The following TMEM132C variants were observed in gnomAD, a reference collection of about 807,000 sequenced individuals.
TMEM132C encodes the protein protein phosphatase 1, regulatory subunit 152.
Under a neutral mutation model 61.4 loss-of-function variants are expected in TMEM132C, and 29 were observed. The observed-to-expected ratio is 0.47, with a 90% confidence interval of 0.35 to 0.64. The LOEUF (loss-of-function observed/expected upper bound fraction) is 0.64. Among genes scored for constraint, TMEM132C ranks in the 30% least tolerant of loss-of-function variants. TMEM132C has a pLI of 0.00. For synonymous variants in TMEM132C, 656 were observed against 633.1 expected (o/e 1.04, Z -0.54); for missense variants, 1,408 against 1,476.9 (o/e 0.95, Z 0.76).
chr12:128,432,214 C>T (rs934097517), intron 2 of TMEM132C, among the ~76,000 whole-genome samples: 1 of 152,180 alleles, frequency 6.6e-6, no homozygotes, highest in Non-Finnish European at 1.5e-5. Flanking sequence ...ACGTAACATC[C>T]ATTGCTAACA....
chr12:128,502,326 A>G (rs1404289370), intron 2 of TMEM132C, among the ~76,000 whole-genome samples: 7 of 152,150 alleles, frequency 4.6e-5, no homozygotes, highest in Non-Finnish European at 1.0e-4. Flanking sequence ...GAAGACCGAG[A>G]TGTGTGTGTG....
Position 128,414,678 on chromosome 12 carries a change from C to T in TMEM132C, c.86-54C>T, listed in dbSNP as rs377019547. 273 of 1,453,920 alleles carry T rather than the reference C, an allele frequency of 1.9e-4. 2 individuals are homozygous for T. In the South Asian group the frequency reaches 3.4e-3, roughly 18 times the overall value. The allele number at this position is 1,453,920 out of a possible 1,614,324, so 90.1% of individuals were successfully genotyped here. A position where few individuals can be genotyped will look rare whatever the true frequency, so the allele number is the denominator to read the frequency against. ...TACAGACCTAACAGCTAATGAGCAGCCCATTAATAATCCTGTCTTTGTCTT... is the reference window on the plus strand; with the variant it reads ...TACAGACCTAACAGCTAATGAGCAGTCCATTAATAATCCTGTCTTTGTCTT... On this transcript the variant is annotated intron_variant, in intron 1 of 8. Coordinates refer to ENST00000435159, the MANE Select transcript of TMEM132C (RefSeq NM_001136103.3).
In TMEM132C at chr12:128,630,889, G is replaced by A. The variant is rs1350312146; in HGVS notation, c.1305+14554G>A. On this transcript the variant is annotated intron_variant, in intron 4 of 8. Transcript: ENST00000435159. The surrounding 1 kb of genome is among the most constrained non-coding windows in gnomAD (Gnocchi z 4.3). ...TCTACTAAAAATACAAAAATTAGTC[G>A]GGCATGGTGGTATGTGCCTGTATTC... 3.3e-5 allele frequency among the ~76,000 whole-genome samples: 5 copies of A among 152,050 alleles called. No homozygotes were observed. The highest frequency in any genetic ancestry group is 5.9e-5 in the Non-Finnish European group (4 of 68,016).
chr12:128,679,378 C>T (rs1954616224), intron 5 of TMEM132C, among the ~76,000 whole-genome samples: 1 of 152,352 alleles, frequency 6.6e-6, no homozygotes, highest in Non-Finnish European at 1.5e-5. Flanking sequence ...GTTTCTCCCT[C>T]AGGGGTCCCT....
intron 2 of TMEM132C, among the ~76,000 whole-genome samples, chr12:128,438,553 G>A (rs1431910327): frequency 6.6e-6 from 1 of 152,028 alleles, no homozygotes; most frequent in Admixed American, 6.5e-5. Flanking sequence ...CCAGTCTCAG[G>A]TATTGTGTTA....
intron 2 of TMEM132C, among the ~76,000 whole-genome samples, chr12:128,540,897 A>T (rs1414846174): frequency 6.6e-6 from 1 of 151,512 alleles, no homozygotes; most frequent in South Asian, 2.1e-4. Flanking sequence ...GCTGATACCA[A>T]CTGCAAGCCC....
rs190967477 is a variant in TMEM132C, at chr12:128,393,212, T to C, written c.86-21520T>C. 2.0e-5 allele frequency among the ~76,000 whole-genome samples: 3 copies of C among 152,354 alleles called. 1 individual carries two copies. Among genetic ancestry groups the C allele is most frequent in the Admixed American group, 2.0e-4 (3 of 15,304 alleles). On this transcript the variant is annotated intron_variant, in intron 1 of 8. Coordinates refer to ENST00000435159, the MANE Select transcript of TMEM132C (RefSeq NM_001136103.3). Reference sequence around the variant, plus strand: ...TGAACAATCTTCCTCTTTTGAAATATCCTGAAATTGCCCCCCTTGCTCACT... The same window carrying C: ...TGAACAATCTTCCTCTTTTGAAATACCCTGAAATTGCCCCCCTTGCTCACT...
intron 3 of TMEM132C, among the ~76,000 whole-genome samples, chr12:128,558,366 TC>T (rs1874400509): frequency 6.6e-6 from 1 of 152,172 alleles, no homozygotes; most frequent in Non-Finnish European, 1.5e-5. Context: ...GCTGGGCTTT[TC>T]CCATGCTGTT....
At chr12:128,470,061 C>T (rs1026147750) in intron 2 of TMEM132C, among the ~76,000 whole-genome samples, 4 of 152,206 alleles carry the variant, frequency 2.6e-5, no homozygotes, top group Non-Finnish European at 4.4e-5. Flanking sequence ...CACTAATCTG[C>T]TTCCAAATAC....
intron 1 of TMEM132C, among the ~76,000 whole-genome samples, chr12:128,347,876 C>A (rs575083110): frequency 5.9e-5 from 9 of 152,338 alleles, no homozygotes; most frequent in African/African-American, 1.9e-4. Context: ...TACATTCCCA[C>A]CAGCAGTGTA....
At chr12:128,530,478 C>G (rs1261838005) in intron 2 of TMEM132C, among the ~76,000 whole-genome samples, 1 of 151,458 alleles carries the variant, frequency 6.6e-6, no homozygotes, top group Non-Finnish European at 1.5e-5. Flanking sequence ...GAGTCTCACT[C>G]TGTTGCCCAG....
At chr12:128,382,864 ATG>A (rs1037766367) in intron 1 of TMEM132C, among the ~76,000 whole-genome samples, 2 of 152,036 alleles carry the variant, frequency 1.3e-5, no homozygotes, top group African/African-American at 4.8e-5. Context: ...GTATCTGAGT[ATG>A]TGTGTGTTTG....
intron 1 of TMEM132C, among the ~76,000 whole-genome samples, chr12:128,297,584 TTTGAAGGCACTCGAC>T: frequency 6.6e-6 from 1 of 152,288 alleles, no homozygotes; most frequent in East Asian, 1.9e-4. Flanking sequence ...AAAAGCTGGC[TTTGAAGGCACTCGAC>T]TTGAACTGAG....
At chr12:128,546,363 A>C (rs940652645) in intron 3 of TMEM132C, among the ~76,000 whole-genome samples, 3 of 152,240 alleles carry the variant, frequency 2.0e-5, no homozygotes, top group Admixed American at 2.0e-4. Flanking sequence ...GTTCATTAGC[A>C]GGTGGCAAAG....
intron 1 of TMEM132C, among the ~76,000 whole-genome samples, chr12:128,331,594 A>T (rs1872667700): frequency 6.6e-6 from 1 of 152,144 alleles, no homozygotes; most frequent in Non-Finnish European, 1.5e-5. Flanking sequence ...ATAAAGCATG[A>T]TTTCATTCTT....
chr12:128,647,127 T>C (rs1352720758), intron 4 of TMEM132C, among the ~76,000 whole-genome samples: 1 of 151,194 alleles, frequency 6.6e-6, no homozygotes, highest in Non-Finnish European at 1.5e-5. Flanking sequence ...CTAGATCCCA[T>C]CAGTGTTGGA....
chr12:128,527,264 G>A (rs372349951), intron 2 of TMEM132C, among the ~76,000 whole-genome samples: 1 of 152,216 alleles, frequency 6.6e-6, no homozygotes, highest in Admixed American at 6.5e-5. Context: ...GGTCAAGAAA[G>A]TGGCCAGGAT....
intron 2 of TMEM132C, among the ~76,000 whole-genome samples, chr12:128,524,835 G>C (rs1328335557): frequency 6.6e-6 from 1 of 152,216 alleles, no homozygotes; most frequent in Admixed American, 6.5e-5. Context: ...CGTCCACTCA[G>C]CTGAGAACTA....
chr12:128,489,322 C>T (rs1401201426), intron 2 of TMEM132C, among the ~76,000 whole-genome samples: 1 of 151,412 alleles, frequency 6.6e-6, no homozygotes, highest in Non-Finnish European at 1.5e-5. Flanking sequence ...TCTTGCCCAC[C>T]ATGCTCATGT....
Sources: allele counts gnomAD v4.1 joint callset (sites outside exome capture counted in the v4.1 genomes callset), GRCh38; gene constraint gnomAD v4.1.1; non-coding constraint Gnocchi (gnomAD v3.1); transcripts MANE v1.5; gene names NCBI Gene and HGNC (gene_info 2026-07-23, HGNC 2026-07-21).